GALNTL6: variants seen among roughly 807,000 people sequenced by gnomAD.
GALNTL6 encodes the protein polypeptide N-acetylgalactosaminyltransferase like 6.
A neutral mutation model predicts 73.7 loss-of-function variants in GALNTL6; 46 were observed. The observed-to-expected ratio is 0.62, with a 90% confidence interval of 0.49 to 0.80. The LOEUF is 0.80. GALNTL6 is among the 30% of genes least tolerant of loss of function. The probability of loss-of-function intolerance (pLI) is 0.00; values close to 1 mark genes in which losing one functional copy is unlikely to be tolerated. For missense variants in GALNTL6, 604 were observed against 755.0 expected (o/e 0.80, Z 2.34); for synonymous variants, 259 against 263.7 (o/e 0.98, Z 0.17).
chr4:172,058,113 G>GTTGTTTTGTT (rs10526611), intron 2 of GALNTL6, among the ~76,000 whole-genome samples: 15,080 of 146,258 alleles, frequency 0.1, 905 homozygotes, highest in South Asian at 0.12. Flanking sequence ...GGCTGAAGTG[G>GTTGTTTTGTT]TTGTTTTGTT....
At chr4:172,513,095 C>A (rs1268717357) in intron 5 of GALNTL6, among the ~76,000 whole-genome samples, 1 of 152,004 alleles carries the variant, frequency 6.6e-6, no homozygotes, top group Non-Finnish European at 1.5e-5. Context: ...AGCAATTGTT[C>A]TTAGGTTTGG....
chr4:171,922,886 C>T (rs946672015), intron 2 of GALNTL6, among the ~76,000 whole-genome samples: 15 of 151,956 alleles, frequency 9.9e-5, no homozygotes, highest in East Asian at 5.8e-4. Context: ...TTTATCAAGA[C>T]GAATGATGAA....
intron 5 of GALNTL6, among the ~76,000 whole-genome samples, chr4:172,464,036 CTTTG>C (rs1188710546): frequency 2.0e-5 from 3 of 152,040 alleles, no homozygotes; most frequent in Non-Finnish European, 2.9e-5. Flanking sequence ...GAGTGATGCT[CTTTG>C]TTTGTCTTTT....
intron 5 of GALNTL6, among the ~76,000 whole-genome samples, chr4:172,707,610 G>A (rs1734435617): frequency 6.6e-6 from 1 of 152,126 alleles, no homozygotes; most frequent in South Asian, 2.1e-4. Context: ...AAATTATTCT[G>A]CATTTGTTAA....
intron 2 of GALNTL6, among the ~76,000 whole-genome samples, chr4:172,219,205 A>ATATATATATATATATATG (rs1208602202): frequency 6.9e-6 from 1 of 145,504 alleles, no homozygotes; most frequent in Non-Finnish European, 1.5e-5. Context: ...AAGTGTATAT[A>ATATATATATATATATATG]TATATATATA....
Position 171,874,158 on chromosome 4 carries a change from T to C in GALNTL6, c.138+59440T>C, listed in dbSNP as rs184475876. Among the ~76,000 whole-genome samples, 879 of 152,296 alleles carry C rather than the reference T, an allele frequency of 5.8e-3. 10 individuals carry two copies. Among genetic ancestry groups the C allele is most frequent in the African/African-American group, 0.02 (821 of 41,572 alleles). ...TAGATTTGACACAAACCTTCCACAA[T>C]TGTTACCAAAAACAAATCAAGGACT... On this transcript the variant is annotated intron_variant, in intron 2 of 12. Coordinates refer to ENST00000506823, the MANE Select transcript of GALNTL6 (RefSeq NM_001034845.3).
At chr4:172,859,872 G>T (rs1163679474) in intron 7 of GALNTL6, among the ~76,000 whole-genome samples, 1 of 152,090 alleles carries the variant, frequency 6.6e-6, no homozygotes, top group Non-Finnish European at 1.5e-5. Context: ...TCTAATACCT[G>T]ATGATCTGTC....
chr4:172,646,067 GTC>G (rs1211685667), intron 5 of GALNTL6, among the ~76,000 whole-genome samples: 2 of 151,990 alleles, frequency 1.3e-5, no homozygotes, highest in Admixed American at 1.3e-4. Context: ...GGAGTGGCAT[GTC>G]CATCCCTCCA....
At chr4:172,952,520 T>G (rs551821656) in intron 10 of GALNTL6, among the ~76,000 whole-genome samples, 1 of 142,120 alleles carries the variant, frequency 7.0e-6, no homozygotes, top group South Asian at 2.1e-4. Flanking sequence ...TTTGTTTTTG[T>G]TTTTGTTTTT....
intron 2 of GALNTL6, among the ~76,000 whole-genome samples, chr4:171,999,516 T>C (rs528552256): frequency 6.6e-6 from 1 of 152,254 alleles, no homozygotes; most frequent in East Asian, 1.9e-4. Context: ...GGTTTAATAT[T>C]GGCTTCCAGG....
intron 5 of GALNTL6, among the ~76,000 whole-genome samples, chr4:172,501,953 C>A (rs1463445553): frequency 6.6e-6 from 1 of 151,994 alleles, no homozygotes; most frequent in East Asian, 1.9e-4. Flanking sequence ...TATAAATGGC[C>A]TTAGTTTCCA....
chr4:172,603,038 G>C (rs888386324), intron 5 of GALNTL6, among the ~76,000 whole-genome samples: 8 of 152,158 alleles, frequency 5.3e-5, no homozygotes, highest in Non-Finnish European at 2.9e-5. Context: ...TATGGTGTCA[G>C]AAAGCATACC....
chr4:171,946,211 T>C (rs551263287), intron 2 of GALNTL6, among the ~76,000 whole-genome samples: 5 of 152,154 alleles, frequency 3.3e-5, no homozygotes, highest in Admixed American at 2.0e-4. Context: ...CTTTCATTCC[T>C]GAAAAATACG....
chr4:171,935,949 C>T (rs1738331209), intron 2 of GALNTL6, among the ~76,000 whole-genome samples: 1 of 152,110 alleles, frequency 6.6e-6, no homozygotes, highest in Non-Finnish European at 1.5e-5. Context: ...CTTCATGTCA[C>T]ACAGTAAGTG....
chr4:172,635,411 C>T (rs1739623682), intron 5 of GALNTL6, among the ~76,000 whole-genome samples: 2 of 152,076 alleles, frequency 1.3e-5, no homozygotes, highest in East Asian at 3.9e-4. Context: ...AATTCAAACT[C>T]ATATTAATCT....
chr4:172,031,425 A>C (rs193146517), intron 2 of GALNTL6, among the ~76,000 whole-genome samples: 246 of 152,262 alleles, frequency 1.6e-3, no homozygotes, highest in Non-Finnish European at 3.1e-3. Context: ...CTCCTTAAAA[A>C]ATTTATTGTC....
At chr4:172,162,900 A>C (rs1461944233) in intron 2 of GALNTL6, among the ~76,000 whole-genome samples, 1 of 152,060 alleles carries the variant, frequency 6.6e-6, no homozygotes, top group Non-Finnish European at 1.5e-5. Flanking sequence ...AAAACTCTAT[A>C]TCCAGGAACA....
In GALNTL6 at chr4:172,999,806, T is replaced by A. The variant is rs146094678; in HGVS notation, c.1372-9372T>A. 1.1e-3 allele frequency among the ~76,000 whole-genome samples: 163 copies of A among 151,902 alleles called. 1 individual carries two copies. The highest frequency in any genetic ancestry group is 3.5e-3 in the African/African-American group (144 of 41,490). On this transcript the variant is annotated intron_variant, in intron 10 of 12. Coordinates refer to ENST00000506823, the MANE Select transcript of GALNTL6 (RefSeq NM_001034845.3). ...ATATAATTTGGATATATTATTTGGA[T>A]ACATTCTATCATTAGTTCAGATTCT...
intron 4 of GALNTL6, among the ~76,000 whole-genome samples, chr4:172,348,069 G>A (rs1376504198): frequency 1.3e-5 from 2 of 152,038 alleles, no homozygotes; most frequent in Non-Finnish European, 2.9e-5. Flanking sequence ...TTTAAATACT[G>A]TCCAGCCATT....
Sources: allele counts gnomAD v4.1 joint callset (sites outside exome capture counted in the v4.1 genomes callset), GRCh38; gene constraint gnomAD v4.1.1; transcripts MANE v1.5; gene names NCBI Gene and HGNC (gene_info 2026-07-23, HGNC 2026-07-21).